Variants in HDAC9 observed in about 807,000 individuals in gnomAD.
HDAC9 encodes histone deacetylase 9.
In HDAC9, 41 loss-of-function variants were observed where a neutral mutation model predicts 139.4. That is an observed-to-expected ratio of 0.29 (90% CI 0.23 to 0.38). The LOEUF is 0.38. Among genes scored for constraint, HDAC9 ranks in the 10% least tolerant of loss-of-function variants. HDAC9 has a pLI of 1.00. For missense variants in HDAC9, 1,147 were observed against 1,297.0 expected (o/e 0.88, Z 1.78); for synonymous variants, 517 against 476.2 (o/e 1.09, Z -1.12).
At chr7:18,262,682 A>G (rs1795756447) in intron 2 of HDAC9, among the ~76,000 whole-genome samples, 1 of 152,338 alleles carries the variant, frequency 6.6e-6, no homozygotes, top group South Asian at 2.1e-4. Flanking sequence ...GTGTTTGGCT[A>G]ATAGTGTATT....
intron 21 of HDAC9, among the ~76,000 whole-genome samples, chr7:18,837,251 T>C (rs550531361): frequency 6.6e-6 from 1 of 151,756 alleles, no homozygotes; most frequent in East Asian, 1.9e-4. Flanking sequence ...TAGAAAAAAA[T>C]GGCTGGAATA....
At chr7:18,634,333 G>GTT (rs569172281) in intron 7 of HDAC9, among the ~76,000 whole-genome samples, 24 of 140,430 alleles carry the variant, frequency 1.7e-4, no homozygotes, top group African/African-American at 1.8e-4. Context: ...CCTTTCTTCA[G>GTT]TTTTTTTTTT....
At chr7:18,536,046 T>C (rs563206362) in intron 2 of HDAC9, among the ~76,000 whole-genome samples, 70 of 152,300 alleles carry the variant, frequency 4.6e-4, no homozygotes, top group Admixed American at 2.4e-3. Flanking sequence ...TCTCTTTGCC[T>C]CAGAGCTTTC....
At chr7:18,769,693 G>T (rs765333358) in intron 16 of HDAC9, among the ~76,000 whole-genome samples, 20 of 151,914 alleles carry the variant, frequency 1.3e-4, no homozygotes, top group Non-Finnish European at 1.6e-4. Context: ...TTTGGTTTTG[G>T]TACAAGCCCT....
Position 18,499,985 on chromosome 7 carries a change from T to C in HDAC9, c.22+3661T>C, listed in dbSNP as rs576217052. Among the ~76,000 whole-genome samples the C allele has an allele frequency of 2.0e-5, 3 of 152,270 alleles. No individual in the cohort carries two copies. The East Asian group carries it at 5.8e-4, about 29-fold the overall frequency. On this transcript the variant is annotated intron_variant, in intron 2 of 25. Transcript: ENST00000686413. ...TTCCTGTCATGTCAAGAATCACTTC[T>C]GGTATTCCCCATAATTACTGTTTTG...
chr7:18,162,895 T>A (rs1196090125), intron 2 of HDAC9, among the ~76,000 whole-genome samples: 1 of 152,196 alleles, frequency 6.6e-6, no homozygotes, highest in Non-Finnish European at 1.5e-5. Context: ...CATGTAGTGC[T>A]GTGATCAGCA....
intron 2 of HDAC9, chr7:18,505,791 T>A (rs1217744397): frequency 1.3e-5 from 2 of 152,226 alleles, no homozygotes; most frequent in Non-Finnish European, 2.9e-5. Flanking sequence ...TTATTGATTA[T>A]CACGTTAATG....
intron 2 of HDAC9, among the ~76,000 whole-genome samples, chr7:18,575,143 C>CT (rs1279725231): frequency 2.6e-5 from 4 of 152,176 alleles, no homozygotes; most frequent in Non-Finnish European, 5.9e-5. Flanking sequence ...TCTTAATTTA[C>CT]TTTTCCTGAA....
chr7:18,894,316 C>T (rs1490417699), intron 22 of HDAC9, among the ~76,000 whole-genome samples: 1 of 152,094 alleles, frequency 6.6e-6, no homozygotes, highest in Non-Finnish European at 1.5e-5. Flanking sequence ...TTGCTTGGGA[C>T]ACTCTAACAT....
chr7:18,149,165 A>G (rs1038226297), intron 1 of HDAC9, among the ~76,000 whole-genome samples: 1 of 152,118 alleles, frequency 6.6e-6, no homozygotes, highest in Non-Finnish European at 1.5e-5. Context: ...GCATCTTTCC[A>G]TATAATTATT....
chr7:18,912,736 AC>A (rs1563050457), intron 22 of HDAC9, among the ~76,000 whole-genome samples: 1 of 152,154 alleles, frequency 6.6e-6, no homozygotes, highest in African/African-American at 2.4e-5. Flanking sequence ...ATTTTAAAAA[AC>A]AAAAATGAGA....
intron 12 of HDAC9, among the ~76,000 whole-genome samples, chr7:18,707,155 C>T (rs921885511): frequency 2.6e-5 from 4 of 152,156 alleles, no homozygotes; most frequent in Non-Finnish European, 5.9e-5. Context: ...TGGAAAGCAG[C>T]GAGATGGCGT....
At chr7:18,932,848 AAAAGAAAGAAAG>A (rs71017014) in intron 22 of HDAC9, among the ~76,000 whole-genome samples, 13 of 138,204 alleles carry the variant, frequency 9.4e-5, no homozygotes, top group Admixed American at 6.7e-4. Flanking sequence ...AGGAAGGAAA[AAAAGAAAGAAAG>A]AAAGAAAGAA....
intron 13 of HDAC9, among the ~76,000 whole-genome samples, chr7:18,732,251 T>G (rs1390981981): frequency 6.6e-6 from 1 of 152,172 alleles, no homozygotes; most frequent in Non-Finnish European, 1.5e-5. Context: ...TGAAGGCAAT[T>G]TGGTAAATCT....
In HDAC9 at chr7:18,627,399, C is replaced by G. The variant is rs183828445; in HGVS notation, c.665-1951C>G. Among the ~76,000 whole-genome samples, 14 of 152,230 alleles carry G rather than the reference C, an allele frequency of 9.2e-5. No individual in the cohort carries two copies. The East Asian group carries it at 9.7e-4, about 11-fold the overall frequency. ...CAGAGGATACCAATGTAGTTAGCACCTAGGGATTCATGGTTCTTTATTTTT... is the reference window on the plus strand; with the variant it reads ...CAGAGGATACCAATGTAGTTAGCACGTAGGGATTCATGGTTCTTTATTTTT... On this transcript the variant is annotated intron_variant, in intron 6 of 25. Coordinates refer to ENST00000686413, the MANE Select transcript of HDAC9 (RefSeq NM_178425.4).
At chr7:18,978,562 C>G (rs775872224) in intron 25 of HDAC9, among the ~76,000 whole-genome samples, 2 of 151,658 alleles carry the variant, frequency 1.3e-5, no homozygotes, top group African/African-American at 2.4e-5. Flanking sequence ...AAGACTTGAT[C>G]AAAAAAATGA....
At chr7:18,207,539 C>CGTTTTTTTTTTT (rs1791615045) in intron 2 of HDAC9, among the ~76,000 whole-genome samples, 1 of 53,730 alleles carries the variant, frequency 1.9e-5, no homozygotes. Context: ...CCCAAGGAGT[C>CGTTTTTTTTTTT]TTTTTTTTTT....
At chr7:18,445,660 C>G (rs1234154736) in intron 1 of HDAC9, among the ~76,000 whole-genome samples, 2 of 152,212 alleles carry the variant, frequency 1.3e-5, no homozygotes, top group Non-Finnish European at 2.9e-5. Flanking sequence ...TATGTTATAA[C>G]CAGGCCTATC....
chr7:18,856,158 T>C (rs962227259), intron 21 of HDAC9, among the ~76,000 whole-genome samples: 1 of 152,128 alleles, frequency 6.6e-6, no homozygotes, highest in Non-Finnish European at 1.5e-5. Context: ...ATTTTGGTCC[T>C]GAGAGATACG....
Sources: gnomAD v4.1 joint callset for allele counts (sites outside exome capture counted in the v4.1 genomes callset) on GRCh38, gnomAD v4.1.1 for gene constraint, MANE v1.5 for transcripts, NCBI Gene and HGNC (gene_info 2026-07-23, HGNC 2026-07-21) for gene names.